The following VPS53 variants were observed in gnomAD, a reference collection of about 807,000 sequenced individuals.
VPS53 encodes the protein VPS53 subunit of GARP complex.
A neutral mutation model predicts 107.0 loss-of-function variants in VPS53; 70 were observed. That is an observed-to-expected ratio of 0.65 (90% CI 0.54 to 0.80). VPS53 has a LOEUF of 0.80. VPS53 is among the 30% of genes least tolerant of loss of function. VPS53 has a pLI of 0.00. For synonymous variants in VPS53, 409 were observed against 393.3 expected, an observed-to-expected ratio of 1.04 and a Z score of -0.47; for missense variants, 917 against 1,049.4, an observed-to-expected ratio of 0.87 and a Z score of 1.74.
Position 696,301 on chromosome 17 carries a change from C to T in VPS53, c.285+1117G>A, listed in dbSNP as rs572362212. Among the ~76,000 whole-genome samples the T allele has an allele frequency of 7.9e-5, 12 of 152,256 alleles. No individual in the cohort carries two copies. In the South Asian group the frequency reaches 2.5e-3, roughly 32 times the overall value. On this transcript the variant is annotated intron_variant, in intron 4 of 21. Transcript: ENST00000437048. ...ACTACAGATGTAAAAGAAAGAGACTCCTAATATCTGTAAGCAACTGGCAGA... is the reference window on the plus strand; with the variant it reads ...ACTACAGATGTAAAAGAAAGAGACTTCTAATATCTGTAAGCAACTGGCAGA...
chr17:698,904 A>G (rs1973088735), intron 3 of VPS53, among the ~76,000 whole-genome samples: 1 of 151,940 alleles, frequency 6.6e-6, no homozygotes, highest in South Asian at 2.1e-4. Flanking sequence ...GCGGTGGCTC[A>G]CCCCTGTCAT....
chr17:563,287 C>CT (rs36076034), intron 13 of VPS53, among the ~76,000 whole-genome samples: 4,453 of 103,224 alleles, frequency 0.043, 12 homozygotes, highest in African/African-American at 0.05. Context: ...ACTTCATTTC[C>CT]TTTTTTTTTT....
intron 2 of VPS53, among the ~76,000 whole-genome samples, chr17:710,080 C>G (rs145647190): frequency 0.098 from 14,950 of 151,998 alleles, 818 homozygotes; most frequent in East Asian, 0.21. Context: ...AGGAGGCAGA[C>G]GTTGCAGTGA....
chr17:697,389 T>C (rs373699790), intron 4 of VPS53, 29 bp downstream of exon 4: 8 of 1,593,928 alleles, frequency 5.0e-6, no homozygotes, highest in Admixed American at 3.3e-5. Context: ...CAGGGGAGCA[T>C]AGGTAATATG....
At chr17:540,086 C>A (rs989127671) in intron 17 of VPS53, among the ~76,000 whole-genome samples, 1 of 149,414 alleles carries the variant, frequency 6.7e-6, no homozygotes, top group Admixed American at 6.8e-5. Flanking sequence ...CGCCACCCTG[C>A]CCAAAAAAAG....
intron 17 of VPS53, among the ~76,000 whole-genome samples, chr17:540,758 AT>A (rs1198702538): frequency 2.6e-5 from 4 of 152,206 alleles, no homozygotes; most frequent in Non-Finnish European, 5.9e-5. Context: ...GACAGTAAGA[AT>A]GATGAGTGCC....
At chr17:704,337 G>C (rs898905931) in intron 2 of VPS53, among the ~76,000 whole-genome samples, 14 of 152,172 alleles carry the variant, frequency 9.2e-5, no homozygotes, top group African/African-American at 3.1e-4. Context: ...GACAACCGCA[G>C]ACACACAAGT....
At chr17:557,068 G>A (rs981084858) in intron 15 of VPS53, among the ~76,000 whole-genome samples, 1 of 152,284 alleles carries the variant, frequency 6.6e-6, no homozygotes, top group Middle Eastern at 3.4e-3. Flanking sequence ...GACGAGACTG[G>A]TCTTAAACTC....
At chr17:567,093 T>C (rs12951235) in intron 13 of VPS53, among the ~76,000 whole-genome samples, 21,342 of 152,232 alleles carry the variant, frequency 0.14, 1,930 homozygotes, top group South Asian at 0.24. Flanking sequence ...CCAACTCTGA[T>C]GTGATTCTAT....
chr17:645,075 A>G (rs898409615), intron 7 of VPS53, among the ~76,000 whole-genome samples: 19 of 152,372 alleles, frequency 1.2e-4, no homozygotes, highest in Middle Eastern at 3.4e-3. Flanking sequence ...GAATGTGATT[A>G]TAACAGTGAT....
intron 7 of VPS53, among the ~76,000 whole-genome samples, chr17:638,538 T>C (rs1767699570): frequency 6.6e-6 from 1 of 152,244 alleles, no homozygotes; most frequent in Non-Finnish European, 1.5e-5. Flanking sequence ...TGGCATGTTT[T>C]TGCAGTGGCT....
chr17:625,213 T>C (rs1375727411), intron 10 of VPS53, among the ~76,000 whole-genome samples: 1 of 151,998 alleles, frequency 6.6e-6, no homozygotes, highest in East Asian at 1.9e-4. Flanking sequence ...TGTCTCAAAC[T>C]CCTAGGCTCA....
chr17:615,451 A>G (rs1969093391), intron 11 of VPS53, among the ~76,000 whole-genome samples: 2 of 152,024 alleles, frequency 1.3e-5, no homozygotes, highest in Admixed American at 6.6e-5. Context: ...TCACTGTTTC[A>G]CTGCCAGTCA....
At chr17:708,745 C>T (rs569056928) in intron 2 of VPS53, among the ~76,000 whole-genome samples, 82 of 152,192 alleles carry the variant, frequency 5.4e-4, no homozygotes, top group Non-Finnish European at 9.4e-4. Flanking sequence ...GAGGTTCTCA[C>T]TGTTGTCTTC....
rs553729607 is a variant in VPS53, at chr17:561,139, CAT to C, written c.1557-568_1557-567del. ...GTTAAGAGAAGTCTGCAAGGGGACTCATGTGTGCTTGTGGAGGAGGACATAAG... is the reference window on the plus strand; with the variant it reads ...GTTAAGAGAAGTCTGCAAGGGGACTCGTGTGCTTGTGGAGGAGGACATAAG... On this transcript the variant is annotated intron_variant, in intron 14 of 21. Coordinates refer to ENST00000437048, the MANE Select transcript of VPS53 (RefSeq NM_001128159.3). 2.3e-4 allele frequency among the ~76,000 whole-genome samples: 35 copies of C among 152,324 alleles called. 1 individual carries two copies. In the East Asian group the frequency reaches 3.9e-3, roughly 17 times the overall value.
At position 582,413 on chromosome 17, in the gene VPS53, T is replaced by G. The variant is rs1159490334; in HGVS notation, c.1313+3857A>C. ...TTCCCAGAGAACCTCCCTCAGGACC[T>G]CAATGCGTTCCCACAGAACTTCCCT... On this transcript the variant is annotated intron_variant, in intron 13 of 21. Transcript: ENST00000437048. Among the ~76,000 whole-genome samples the G allele has an allele frequency of 2.3e-5, 3 of 133,038 alleles. 1 individual carries two copies. In the Admixed American group the frequency reaches 2.3e-4, roughly 10 times the overall value. The allele number at this position is 133,038 out of a possible 152,430, so 87.3% of individuals were successfully genotyped here. A position where few individuals can be genotyped will look rare whatever the true frequency, so the allele number is the denominator to read the frequency against.
intron 7 of VPS53, chr17:632,864 G>C (rs1042946709): frequency 4.7e-6 from 2 of 426,356 alleles, no homozygotes; most frequent in Non-Finnish European, 4.7e-6. Context: ...AAACCAACAA[G>C]CTCGTTAAGT....
In VPS53 at chr17:606,012, CT is replaced by C. The variant is rs1313788517; in HGVS notation, c.1117-4117del. ...ACAGCAGGCAAACCAGTTTAAGAGG[CT>C]GCTACAGTGCTCCAGGAAAGGGCTG... On this transcript the variant is annotated intron_variant, in intron 11 of 21. Transcript: ENST00000437048. 2.0e-5 allele frequency among the ~76,000 whole-genome samples: 3 copies of C among 152,206 alleles called. No homozygotes were observed. In the East Asian group the frequency reaches 5.8e-4, roughly 29 times the overall value.
In VPS53 at chr17:676,598, T is replaced by C. The variant is rs538377377; in HGVS notation, c.286-14703A>G. 2.0e-5 allele frequency among the ~76,000 whole-genome samples: 3 copies of C among 152,356 alleles called. No individual in the cohort carries two copies. The South Asian group carries it at 6.2e-4, about 32-fold the overall frequency. ...GAAATAAGCAGATGGTGAGTTACGCTTGACCTTCTTTCTTGGCTCCTGAAG... is the reference window on the plus strand; with the variant it reads ...GAAATAAGCAGATGGTGAGTTACGCCTGACCTTCTTTCTTGGCTCCTGAAG... On this transcript the variant is annotated intron_variant, in intron 4 of 21. Coordinates refer to ENST00000437048, the MANE Select transcript of VPS53 (RefSeq NM_001128159.3).
Sources: gnomAD v4.1 joint callset for allele counts (sites outside exome capture counted in the v4.1 genomes callset) on GRCh38, gnomAD v4.1.1 for gene constraint, MANE v1.5 for transcripts, NCBI Gene and HGNC (gene_info 2026-07-23, HGNC 2026-07-21) for gene names.